APBA2: variants seen among roughly 807,000 people sequenced by gnomAD.
APBA2 encodes amyloid-beta A4 precursor protein-binding family A member 2.
APBA2 carries 30 observed loss-of-function variants against 75.0 expected under a neutral mutation model. The ratio of observed to expected loss-of-function variants is 0.40; its 90% CI spans 0.30 to 0.54. The LOEUF (loss-of-function observed/expected upper bound fraction) is 0.54. Ranked by LOEUF, APBA2 falls within the 20% of genes least tolerant of loss-of-function variation. The probability of loss-of-function intolerance (pLI) is 0.49; values close to 1 mark genes in which losing one functional copy is unlikely to be tolerated. For missense variants in APBA2, 801 were observed against 1,016.1 expected (o/e 0.79, Z 2.88); for synonymous variants, 444 against 409.6 (o/e 1.08, Z -1.01).
chr15:29,004,201 A>T (rs945021924), intron 3 of APBA2, among the ~76,000 whole-genome samples: 2 of 152,218 alleles, frequency 1.3e-5, no homozygotes, highest in Non-Finnish European at 2.9e-5. Context: ...GCCAAGTTCT[A>T]GATAGAATCT....
At chr15:29,071,927 G>T (rs1330032706) in intron 4 of APBA2, among the ~76,000 whole-genome samples, 3 of 152,062 alleles carry the variant, frequency 2.0e-5, no homozygotes, top group Non-Finnish European at 4.4e-5. Flanking sequence ...GGAGTCCCAT[G>T]GGTAGGGCAT....
At chr15:29,096,148 C>T (rs577476240) in intron 8 of APBA2, among the ~76,000 whole-genome samples, 16 of 152,346 alleles carry the variant, frequency 1.1e-4, no homozygotes, top group African/African-American at 2.9e-4. Context: ...TTTCCTGGCC[C>T]GGCCACAGCC....
intron 2 of APBA2, among the ~76,000 whole-genome samples, chr15:28,922,013 C>T (rs1248508912): frequency 6.6e-6 from 1 of 152,212 alleles, no homozygotes; most frequent in East Asian, 1.9e-4. Context: ...ACTGTGCATT[C>T]CCTGTAACCC....
chr15:29,112,419 C>G (rs28732997), intron 13 of APBA2, among the ~76,000 whole-genome samples: 9,320 of 152,224 alleles, frequency 0.061, 965 homozygotes, highest in African/African-American at 0.21. Context: ...GTGTAGGAGA[C>G]GGGGAGGCCC....
At chr15:28,922,575 C>T (rs1019100496) in intron 2 of APBA2, among the ~76,000 whole-genome samples, 12 of 152,174 alleles carry the variant, frequency 7.9e-5, no homozygotes, top group East Asian at 5.8e-4. Context: ...GTGTCACAGC[C>T]ATGCTCTGTC....
chr15:29,010,102 A>C (rs902476297), intron 3 of APBA2, among the ~76,000 whole-genome samples: 4 of 152,170 alleles, frequency 2.6e-5, no homozygotes, highest in Non-Finnish European at 5.9e-5. Context: ...TAGTGGATGC[A>C]TGGTGGGATC....
intron 4 of APBA2, among the ~76,000 whole-genome samples, chr15:29,072,974 C>G (rs528203085): frequency 7.0e-4 from 106 of 152,146 alleles, no homozygotes; most frequent in Non-Finnish European, 1.1e-3. Flanking sequence ...GCCCGGTGCC[C>G]GCTCCCCTGC....
At chr15:28,972,314 C>G (rs1290966369) in intron 2 of APBA2, among the ~76,000 whole-genome samples, 1 of 152,160 alleles carries the variant, frequency 6.6e-6, no homozygotes, top group African/African-American at 2.4e-5. Context: ...GTCAAGAAAA[C>G]TTTCCTAAAA....
chr15:29,083,062 A>C (rs78628800), intron 6 of APBA2, among the ~76,000 whole-genome samples: 7 of 149,304 alleles, frequency 4.7e-5, no homozygotes, highest in African/African-American at 1.7e-4. Context: ...ACACCGTCTC[A>C]AAAAAAAAAA....
intron 3 of APBA2, among the ~76,000 whole-genome samples, chr15:29,015,852 G>A (rs2039632269): frequency 6.6e-6 from 1 of 152,176 alleles, no homozygotes; most frequent in African/African-American, 2.4e-5. Context: ...TGTGACCCGG[G>A]GCAGATCCTT....
chr15:28,983,059 C>T (rs2037709011), intron 2 of APBA2, among the ~76,000 whole-genome samples: 1 of 152,234 alleles, frequency 6.6e-6, no homozygotes, highest in African/African-American at 2.4e-5. Context: ...ATTGCCCACT[C>T]ATGTCCCCAC....
intron 3 of APBA2, among the ~76,000 whole-genome samples, chr15:29,003,039 C>G (rs2038932039): frequency 6.6e-6 from 1 of 152,112 alleles, no homozygotes; most frequent in Admixed American, 6.5e-5. Flanking sequence ...ATTGTTTGAT[C>G]TGGCTTGATG....
intron 2 of APBA2, among the ~76,000 whole-genome samples, chr15:28,937,757 C>T (rs543018855): frequency 6.6e-5 from 10 of 152,046 alleles, no homozygotes; most frequent in African/African-American, 2.2e-4. Flanking sequence ...CCTGGGTTCA[C>T]GCCATTCTCC....
chr15:28,925,342 TATA>T (rs1242935142), intron 2 of APBA2, among the ~76,000 whole-genome samples: 1 of 152,208 alleles, frequency 6.6e-6, no homozygotes, highest in Non-Finnish European at 1.5e-5. Flanking sequence ...GTCATTTTCT[TATA>T]ATTTCTTTGG....
At chr15:28,896,462 G>T (rs1018570220) in intron 1 of APBA2, among the ~76,000 whole-genome samples, 6 of 152,294 alleles carry the variant, frequency 3.9e-5, no homozygotes, top group Admixed American at 3.9e-4. Context: ...TGTATTTTTA[G>T]TAGAGACAGG....
At chr15:29,079,726 C>T (rs1595909696) in intron 6 of APBA2, among the ~76,000 whole-genome samples, 1 of 152,140 alleles carries the variant, frequency 6.6e-6, no homozygotes, top group East Asian at 1.9e-4. Flanking sequence ...CTATTTGTGT[C>T]TGAGAAGTTG....
intron 2 of APBA2, among the ~76,000 whole-genome samples, chr15:28,941,834 G>T (rs987769110): frequency 6.6e-6 from 1 of 152,192 alleles, no homozygotes; most frequent in Non-Finnish European, 1.5e-5. Flanking sequence ...TCAGCTCACC[G>T]CAAGCTCCGC....
rs566831233 is a variant in APBA2, at chr15:29,046,172, C to A, written c.-40-7673C>A. 1.3e-5 allele frequency among the ~76,000 whole-genome samples: 2 copies of A among 152,316 alleles called. No individual in the cohort carries two copies. The highest frequency in any genetic ancestry group is 4.8e-5 in the African/African-American group (2 of 41,566). ...TTTATCATAAGGCTGCAAACTGCTT[C>A]TGTGCAAAAGGCAATGTGTTAGTTC... On this transcript the variant is annotated intron_variant, in intron 3 of 14. Transcript: ENST00000683413. This position sits in a 1 kb window ranked among gnomAD's most constrained non-coding sequence, Gnocchi z 5.0.
intron 2 of APBA2, among the ~76,000 whole-genome samples, chr15:28,939,872 C>T (rs774042221): frequency 3.3e-5 from 5 of 152,244 alleles, no homozygotes; most frequent in East Asian, 1.9e-4. Context: ...GAAACAGAGC[C>T]GTAAGGACTG....
Sources: allele counts gnomAD v4.1 joint callset (sites outside exome capture counted in the v4.1 genomes callset), GRCh38; gene constraint gnomAD v4.1.1; non-coding constraint Gnocchi (gnomAD v3.1); transcripts MANE v1.5; gene names NCBI Gene and HGNC (gene_info 2026-07-23, HGNC 2026-07-21).